Variants in GAB3 observed in about 807,000 individuals in gnomAD.
The protein encoded by GAB3 is GRB2-associated-binding protein 3.
A neutral mutation model predicts 40.4 loss-of-function variants in GAB3; 12 were observed. The observed-to-expected ratio is 0.30, with a 90% confidence interval of 0.19 to 0.48. The LOEUF (loss-of-function observed/expected upper bound fraction) is 0.48, where lower values mean the gene tolerates loss of function less well. GAB3 is among the 20% of genes least tolerant of loss of function. The pLI, the probability that GAB3 is intolerant of heterozygous loss-of-function variation, is 0.99. For synonymous variants in GAB3, 154 were observed against 176.7 expected (o/e 0.87, Z 1.02); for missense variants, 381 against 461.9 (o/e 0.82, Z 1.61).
At chrX:154,742,277 C>T (rs957764826) in intron 1 of GAB3, among the ~76,000 whole-genome samples, 1 of 111,846 alleles carries the variant, frequency 8.9e-6, no homozygotes, top group Non-Finnish European at 1.9e-5. Flanking sequence ...ATTTGTAGCA[C>T]TAAATGTCTA....
Position 154,716,147 on chromosome X carries a change from C to T in GAB3, c.255G>A (p.Val85=). 2.5e-6 allele frequency: 3 copies of T among 1,212,179 alleles called. No individual in the cohort carries two copies. Among genetic ancestry groups the T allele is most frequent in the Non-Finnish European group, 3.3e-6 (3 of 895,536 alleles). Residue 85 remains valine (V), a synonymous_variant, in exon 2 of 10, where the codon GTG becomes GTA. Transcript: ENST00000424127. The part of the protein sequence containing the change: ...FVRKEFQNNF[V]FIVKTTSRTF... ...TACGGGAAGTAGTCTTGACAATGAACACGAAATTATTCTGAAATTCCTTCC... is the reference window on the plus strand; with the variant it reads ...TACGGGAAGTAGTCTTGACAATGAATACGAAATTATTCTGAAATTCCTTCC...
chrX:154,710,854 TG>T (rs1274344122), intron 4 of GAB3, among the ~76,000 whole-genome samples: 1 of 112,705 alleles, frequency 8.9e-6, no homozygotes, highest in Non-Finnish European at 1.9e-5. Flanking sequence ...TTCAAGTTTT[TG>T]TTCTTCAATT....
At chrX:154,731,798 A>G (rs1233020332) in intron 1 of GAB3, among the ~76,000 whole-genome samples, 2 of 112,027 alleles carry the variant, frequency 1.8e-5, no homozygotes, top group Non-Finnish European at 3.8e-5. Flanking sequence ...TGCAATAGCA[A>G]TATTAATAGC....
intron 1 of GAB3, among the ~76,000 whole-genome samples, chrX:154,740,389 A>AAT (rs1357449736): frequency 8.9e-6 from 1 of 112,476 alleles, no homozygotes; most frequent in Non-Finnish European, 1.9e-5. Context: ...ATATGCATGG[A>AAT]ATATATCTGA....
intron 4 of GAB3, among the ~76,000 whole-genome samples, chrX:154,711,278 T>C (rs1464832532): frequency 8.9e-6 from 1 of 111,903 alleles, no homozygotes; most frequent in Non-Finnish European, 1.9e-5. Flanking sequence ...GACACAGAGA[T>C]AGACAACTAG....
chrX:154,714,051 C>G (rs1252479111), intron 2 of GAB3, among the ~76,000 whole-genome samples: 1 of 108,709 alleles, frequency 9.2e-6, no homozygotes, highest in Non-Finnish European at 1.9e-5. Flanking sequence ...GAAAGAAACA[C>G]AGTGCTGTGG....
intron 4 of GAB3, among the ~76,000 whole-genome samples, chrX:154,707,520 T>C (rs59769492): frequency 0.094 from 10,475 of 111,739 alleles, 1,223 homozygotes; most frequent in African/African-American, 0.33. Context: ...CTTTAGAAAA[T>C]AACAGTTAGC....
chrX:154,737,637 C>G (rs1293582846), intron 1 of GAB3, among the ~76,000 whole-genome samples: 1 of 112,103 alleles, frequency 8.9e-6, no homozygotes, highest in Non-Finnish European at 1.9e-5. Context: ...TGCCCCCAAA[C>G]TGGGTCTTTT....
intron 4 of GAB3, 89 bp from the exon 5 acceptor site, chrX:154,700,148 G>T: frequency 4.2e-6 from 3 of 716,291 alleles, no homozygotes; most frequent in Non-Finnish European, 6.5e-6. Context: ...TAACACAACA[G>T]TTGCTATTAG....
At position 154,712,559 on chromosome X, in the gene GAB3, C is replaced by T; in HGVS notation, c.739G>A (p.Glu247Lys). The T allele has an allele frequency of 8.5e-7, 1 of 1,177,175 alleles. No individual in the cohort carries two copies. Among genetic ancestry groups the T allele is most frequent in the Non-Finnish European group, 1.1e-6 (1 of 878,817 alleles). ...HPSCHGSGAQ[E>K]VPSSRPQAAL... ...GCCTGAGGCCTCGAGGATGGCACCT[C>T]CTGAGCTCCACTGCCATGGCATGAG... Residue 247 changes from glutamate (E) to lysine (K), a missense_variant, in exon 4 of 10, where the codon GAG becomes AAG. By Grantham distance (56) the Glu-to-Lys change is moderately conservative. Transcript: ENST00000424127.
intron 1 of GAB3, among the ~76,000 whole-genome samples, chrX:154,736,117 T>C (rs1377553760): frequency 8.9e-6 from 1 of 112,831 alleles, no homozygotes; most frequent in Admixed American, 9.3e-5. Context: ...TATCTTTCCG[T>C]GGTACTAGTA....
Position 154,678,220 on chromosome X carries a change from G to A in GAB3, c.1722C>T (p.Ser574=), listed in dbSNP as rs1557246053. ...TTTCATCCGTCCACTCCTGTTTTGT[G>A]CTCTGGAGAGCCTGTGTCTTCTGCT... ...VDEQKTQALQ[S]TKQEWTDERQ... is the part of the protein sequence containing the mutation. The change falls in exon 10 of 10, where the codon AGC becomes AGT. Residue 574 remains serine (S), a synonymous_variant. Transcript: ENST00000424127. 2.5e-6 allele frequency: 3 copies of A among 1,199,813 alleles called. No homozygotes were observed. The highest frequency in any genetic ancestry group is 2.3e-6 in the Non-Finnish European group (2 of 885,556).
At chrX:154,690,770 A>G (rs1158979327) in intron 8 of GAB3, among the ~76,000 whole-genome samples, 1 of 110,682 alleles carries the variant, frequency 9.0e-6, no homozygotes, top group Non-Finnish European at 1.9e-5. Context: ...AGGAAACAAT[A>G]GGTGCTGGAG....
chrX:154,680,276 T>C (rs374515998), intron 8 of GAB3, 28 bp from the exon 9 acceptor site: 29 of 1,061,284 alleles, frequency 2.7e-5, no homozygotes, highest in Non-Finnish European at 3.7e-5. Context: ...AGGAGTCAGG[T>C]TAATGATGTC....
intron 4 of GAB3, among the ~76,000 whole-genome samples, chrX:154,708,364 C>G (rs1420796008): frequency 9.0e-6 from 1 of 111,635 alleles, no homozygotes; most frequent in Non-Finnish European, 1.9e-5. Flanking sequence ...GCAAAAATAG[C>G]AAAAATAAAC....
chrX:154,680,444 G>T (rs782552584), intron 8 of GAB3, among the ~76,000 whole-genome samples, 196 bp from the exon 9 acceptor site: 2 of 111,974 alleles, frequency 1.8e-5, no homozygotes, highest in African/African-American at 3.2e-5. Flanking sequence ...TTTGGCCTTC[G>T]CAATGAAACC....
intron 1 of GAB3, among the ~76,000 whole-genome samples, chrX:154,732,442 T>G (rs7885619): frequency 0.042 from 4,717 of 111,782 alleles, 254 homozygotes; most frequent in African/African-American, 0.15. Context: ...TCTTGTTGAA[T>G]TAATTAATGA....
At chrX:154,681,086 T>G (rs782647098) in intron 8 of GAB3, among the ~76,000 whole-genome samples, 44 of 112,271 alleles carry the variant, frequency 3.9e-4, no homozygotes, top group Non-Finnish European at 4.9e-4. Context: ...TTCATGCACC[T>G]GTGGGAGAAA....
chrX:154,686,548 C>T (rs142370245), intron 8 of GAB3, among the ~76,000 whole-genome samples: 1,387 of 110,441 alleles, frequency 0.013, 13 homozygotes, highest in Non-Finnish European at 0.02. Context: ...CCTGTCTCAG[C>T]CTCCTGATTA....
Sources: allele counts gnomAD v4.1 joint callset (sites outside exome capture counted in the v4.1 genomes callset), GRCh38; gene constraint gnomAD v4.1.1; transcripts MANE v1.5; gene names NCBI Gene and HGNC (gene_info 2026-07-23, HGNC 2026-07-21).